Variants in MEF2C observed in about 807,000 individuals in gnomAD.
MEF2C encodes myocyte enhancer factor 2C, also known as myocyte-specific enhancer factor 2C.
MEF2C carries 6 observed loss-of-function variants against 50.5 expected under a neutral mutation model. That is an observed-to-expected ratio of 0.12 (90% CI 0.07 to 0.23). The LOEUF (loss-of-function observed/expected upper bound fraction) is 0.23, where lower values mean the gene tolerates loss of function less well. Ranked by LOEUF, MEF2C falls within the 10% of genes least tolerant of loss-of-function variation. MEF2C has a pLI of 1.00. For missense variants in MEF2C, 276 were observed against 605.0 expected (o/e 0.46, Z 5.70); for synonymous variants, 183 against 228.0 (o/e 0.80, Z 1.78).
intron 1 of MEF2C, chr5:88,824,207 T>C (rs1163662434): frequency 8.2e-6 from 8 of 971,264 alleles, no homozygotes; most frequent in Non-Finnish European, 2.4e-6. Flanking sequence ...GAAATGTATT[T>C]TTTTTTGTAA....
intron 1 of MEF2C, among the ~76,000 whole-genome samples, chr5:88,854,091 G>A (rs1822371077): frequency 6.6e-6 from 1 of 152,178 alleles, no homozygotes; most frequent in Non-Finnish European, 1.5e-5. Context: ...ATGAATTAAA[G>A]ACCATTGAGA....
chr5:88,846,774 T>C (rs1050766644), intron 1 of MEF2C, among the ~76,000 whole-genome samples: 2 of 152,230 alleles, frequency 1.3e-5, no homozygotes, highest in African/African-American at 4.8e-5. Flanking sequence ...GTGAATATGT[T>C]TTTCCAAAAT....
chr5:88,800,907 AAT>A (rs202143073), intron 3 of MEF2C, among the ~76,000 whole-genome samples: 1,681 of 152,318 alleles, frequency 0.011, 22 homozygotes, highest in Non-Finnish European at 0.017. Context: ...GCTGCATTAT[AAT>A]ATAATCATAA....
chr5:88,868,797 G>C (rs1323033370), intron 1 of MEF2C, among the ~76,000 whole-genome samples: 1 of 152,060 alleles, frequency 6.6e-6, no homozygotes, highest in Non-Finnish European at 1.5e-5. Context: ...ATAAAAAGTC[G>C]AGTTATCTGA....
chr5:88,750,207 AT>A (rs747771242), intron 5 of MEF2C: 40,774 of 380,378 alleles, frequency 0.11, 9 homozygotes, highest in Non-Finnish European at 0.13. Flanking sequence ...TATATACACG[AT>A]TTTTTTTTTT....
intron 6 of MEF2C, chr5:88,734,046 G>T (rs772904479): frequency 9.3e-5 from 92 of 984,040 alleles, no homozygotes; most frequent in Non-Finnish European, 1.0e-4. Flanking sequence ...ACAAACAAAA[G>T]AGAGTATGTT....
intron 1 of MEF2C, among the ~76,000 whole-genome samples, chr5:88,833,975 C>A (rs1186113637): frequency 3.3e-5 from 5 of 152,074 alleles, no homozygotes; most frequent in African/African-American, 1.2e-4. Context: ...AGCTAAATGG[C>A]CTTCAGGATG....
At chr5:88,832,786 C>T (rs1287719782) in intron 1 of MEF2C, among the ~76,000 whole-genome samples, 1 of 152,102 alleles carries the variant, frequency 6.6e-6, no homozygotes, top group Non-Finnish European at 1.5e-5. Context: ...TAATCAATTA[C>T]CCTACTTTCT....
chr5:88,805,033 A>G (rs571768378), intron 2 of MEF2C, among the ~76,000 whole-genome samples: 1 of 152,314 alleles, frequency 6.6e-6, no homozygotes, highest in Admixed American at 6.5e-5. Context: ...GCAAGATTTA[A>G]TGTAGGGTAT....
chr5:88,842,222 T>C (rs1251892733), intron 1 of MEF2C, among the ~76,000 whole-genome samples: 1 of 152,184 alleles, frequency 6.6e-6, no homozygotes, highest in African/African-American at 2.4e-5. Context: ...TTTCCTATTG[T>C]TGGCTTCTTC....
intron 1 of MEF2C, chr5:88,824,509 C>T (rs9986272): frequency 0.048 from 11,057 of 228,674 alleles, 371 homozygotes; most frequent in Non-Finnish European, 0.063. Context: ...GTGAGAACAC[C>T]TTAAAAATAA....
chr5:88,813,217 G>C (rs534258458), intron 2 of MEF2C, among the ~76,000 whole-genome samples: 1 of 152,080 alleles, frequency 6.6e-6, no homozygotes, highest in East Asian at 1.9e-4. Flanking sequence ...ATTTATGGAT[G>C]TTTATTTTAA....
chr5:88,744,766 C>T (rs1253652703), intron 6 of MEF2C, among the ~76,000 whole-genome samples: 1 of 152,118 alleles, frequency 6.6e-6, no homozygotes, highest in African/African-American at 2.4e-5. Flanking sequence ...TTCTTTATTA[C>T]CCTTTGTCTT....
intron 1 of MEF2C, chr5:88,878,002 C>A (rs1211488688): frequency 1.3e-5 from 2 of 152,002 alleles, no homozygotes; most frequent in East Asian, 3.8e-4. Flanking sequence ...AGGTCCACCC[C>A]TTTCTACATG....
intron 1 of MEF2C, among the ~76,000 whole-genome samples, chr5:88,863,808 GAC>G (rs923029099): frequency 6.6e-6 from 1 of 150,512 alleles, no homozygotes; most frequent in Non-Finnish European, 1.5e-5. Context: ...TGTTGCAAAT[GAC>G]AGAATTTCTT....
chr5:88,750,123 A>G, intron 5 of MEF2C: 1 of 857,400 alleles, frequency 1.2e-6, no homozygotes, highest in Non-Finnish European at 1.4e-6. Flanking sequence ...AATTGCCTCT[A>G]AGTGATACTC....
At chr5:88,835,096 C>T (rs1377845609) in intron 1 of MEF2C, among the ~76,000 whole-genome samples, 1 of 152,170 alleles carries the variant, frequency 6.6e-6, no homozygotes, top group African/African-American at 2.4e-5. Context: ...TGGCAATGGC[C>T]ACTGGTTGAA....
At chr5:88,873,498 T>G (rs1351145072) in intron 1 of MEF2C, among the ~76,000 whole-genome samples, 1 of 151,934 alleles carries the variant, frequency 6.6e-6, no homozygotes, top group African/African-American at 2.4e-5. Flanking sequence ...GAAAAAACAC[T>G]GAAGTCAAGA....
intron 6 of MEF2C, chr5:88,734,554 G>C: frequency 2.5e-6 from 2 of 786,956 alleles, no homozygotes; most frequent in Non-Finnish European, 3.0e-6. Context: ...CGGAGGCCTT[G>C]AGAAAAGTTT....
Sources: gnomAD v4.1 joint callset for allele counts (sites outside exome capture counted in the v4.1 genomes callset) on GRCh38, gnomAD v4.1.1 for gene constraint, MANE v1.5 for transcripts, NCBI Gene and HGNC (gene_info 2026-07-23, HGNC 2026-07-21) for gene names.